Variants in IRAG1 observed in about 807,000 individuals in gnomAD.
IRAG1 encodes the protein inositol 1,4,5-triphosphate receptor associated 1.
A neutral mutation model predicts 106.2 loss-of-function variants in IRAG1; 62 were observed. The ratio of observed to expected loss-of-function variants is 0.58; its 90% CI spans 0.48 to 0.72. IRAG1 has a LOEUF of 0.72. IRAG1 is among the 30% of genes least tolerant of loss of function. The probability of loss-of-function intolerance (pLI) is 0.00; values close to 1 mark genes in which losing one functional copy is unlikely to be tolerated. For missense variants in IRAG1, 1,064 were observed against 1,140.7 expected, an observed-to-expected ratio of 0.93 and a Z score of 0.97; for synonymous variants, 462 against 443.9, an observed-to-expected ratio of 1.04 and a Z score of -0.51.
rs1862236792 is a variant in IRAG1 at position 10,693,702 on chromosome 11, G to T, written c.-100C>A. The T allele has an allele frequency of 2.6e-5, 36 of 1,361,016 alleles. No individual in the cohort carries two copies. The South Asian group carries it at 4.3e-4, about 16-fold the overall frequency. 84.3% of individuals were successfully genotyped at this position (1,361,016 alleles called of 1,614,324 possible). The stretch of plus-strand genomic sequence containing the variant: ...CTCCTCTGAGAGGGGCTGGGACTTA[G>T]AGCCGAGAGCTCCTCTGGGAGCCCC... On this transcript the variant is annotated 5_prime_UTR_variant, in exon 1 of 21. Coordinates refer to ENST00000423302, the MANE Select transcript of IRAG1 (RefSeq NM_130385.4).
intron 3 of IRAG1, 23 bp downstream of exon 3, chr11:10,633,945 A>T: frequency 6.9e-7 from 1 of 1,447,780 alleles, no homozygotes; most frequent in Non-Finnish European, 9.6e-7. Context: ...GTTTGTCACA[A>T]TGCAAGGATC....
At chr11:10,645,466 A>G (rs1857868866) in intron 2 of IRAG1, among the ~76,000 whole-genome samples, 1 of 152,214 alleles carries the variant, frequency 6.6e-6, no homozygotes, top group Non-Finnish European at 1.5e-5. Flanking sequence ...TGCGTTCTGA[A>G]GGTTAAATGC....
At chr11:10,687,787 A>G (rs1861769137) in intron 1 of IRAG1, 1 of 1,289,054 alleles carries the variant, frequency 7.8e-7, no homozygotes, top group Admixed American at 2.3e-5. Flanking sequence ...TCTGGAGGGG[A>G]ACAGACAGGG....
chr11:10,599,450 T>G (rs949235632), intron 15 of IRAG1, among the ~76,000 whole-genome samples: 1 of 152,150 alleles, frequency 6.6e-6, no homozygotes, highest in Non-Finnish European at 1.5e-5. Context: ...CTTCCTCAGC[T>G]TCCAACACTG....
intron 1 of IRAG1, chr11:10,658,488 C>T (rs1482979882): frequency 6.5e-6 from 1 of 153,710 alleles, no homozygotes; most frequent in Non-Finnish European, 1.4e-5. Context: ...CAGCTGAGTT[C>T]TCTAAGCATG....
Position 10,626,119 on chromosome 11 carries a change from C to T in IRAG1, c.1215G>A (p.Arg405=). Residue 405 remains arginine, a synonymous_variant, in exon 9 of 21, where the codon CGG becomes CGA. Coordinates refer to ENST00000423302, the MANE Select transcript of IRAG1 (RefSeq NM_130385.4). ...WDSGPEEPGP[R]LQKVLAKLPL... ...GCAGCTTGGCAAGCACTTTCTGCAG[C>T]CGGGGGCCAGGTTCTTCAGGGCCAC... 2 of 1,544,918 alleles carry T rather than the reference C, an allele frequency of 1.3e-6. No homozygotes were observed. Among genetic ancestry groups the T allele is most frequent in the South Asian group, 2.4e-5 (2 of 81,976 alleles).
chr11:10,652,287 G>A, intron 1 of IRAG1, 105 bp from the exon 2 acceptor site: 1 of 1,542,444 alleles, frequency 6.5e-7, no homozygotes, highest in Non-Finnish European at 8.8e-7. Flanking sequence ...GCTTGAGTTT[G>A]CATCAACACC....
At chr11:10,579,623 C>T (rs1356662654) in intron 20 of IRAG1, among the ~76,000 whole-genome samples, 1 of 152,050 alleles carries the variant, frequency 6.6e-6, no homozygotes, top group Non-Finnish European at 1.5e-5. Flanking sequence ...TAGAGTAACA[C>T]CTCATCTATG....
intron 1 of IRAG1, among the ~76,000 whole-genome samples, chr11:10,678,305 A>G (rs969463510): frequency 7.2e-5 from 11 of 152,324 alleles, no homozygotes; most frequent in African/African-American, 2.4e-4. Context: ...TCACGCTGAG[A>G]GAGCCCAAGG....
intron 12 of IRAG1, among the ~76,000 whole-genome samples, chr11:10,606,239 C>G (rs1456361540): frequency 6.6e-6 from 1 of 152,154 alleles, no homozygotes; most frequent in Non-Finnish European, 1.5e-5. Flanking sequence ...CTCACAACCC[C>G]GCTGGGACAA....
intron 2 of IRAG1, among the ~76,000 whole-genome samples, chr11:10,646,231 C>T (rs1448866720): frequency 6.6e-6 from 1 of 152,204 alleles, no homozygotes; most frequent in East Asian, 1.9e-4. Context: ...TCCTACAACC[C>T]TTGTCCACTG....
intron 1 of IRAG1, 172 bp from the exon 2 acceptor site, chr11:10,652,354 G>A (rs1313555779): frequency 7.0e-7 from 1 of 1,435,598 alleles, no homozygotes; most frequent in African/African-American, 1.4e-5. Context: ...CCGGCTCTCT[G>A]GCTTTGTTTA....
Position 10,587,106 on chromosome 11 carries a change from A to AAT in IRAG1, c.2240+4440_2240+4441dup, listed in dbSNP as rs1228106416. Among the ~76,000 whole-genome samples, 5 of 152,302 alleles carry AAT rather than the reference A, an allele frequency of 3.3e-5. No individual in the cohort carries two copies. In the South Asian group the frequency reaches 1.0e-3, roughly 32 times the overall value. On this transcript the variant is annotated intron_variant, in intron 18 of 20. Transcript: ENST00000423302. ...ATCTTGGCATCTGTCCCCTGCCTGA[A>AAT]ATCCTATGTGCTTTCTTTCTGGGAT...
chr11:10,676,126 G>A (rs555323776), intron 1 of IRAG1, among the ~76,000 whole-genome samples: 25 of 152,354 alleles, frequency 1.6e-4, no homozygotes, highest in African/African-American at 5.8e-4. Context: ...TCTTAGCTGT[G>A]ATGCTCGTAC....
chr11:10,605,572 G>GGT (rs1482052644), intron 12 of IRAG1, among the ~76,000 whole-genome samples: 1 of 152,216 alleles, frequency 6.6e-6, no homozygotes, highest in Admixed American at 6.5e-5. Context: ...AGACCAGAAC[G>GGT]GTCATTAACT....
At chr11:10,631,105 G>T (rs1413808976) in intron 4 of IRAG1, among the ~76,000 whole-genome samples, 4 of 152,192 alleles carry the variant, frequency 2.6e-5, no homozygotes, top group Non-Finnish European at 5.9e-5. Context: ...AAGAAAAAAG[G>T]TTCAAGAGAT....
chr11:10,606,199 C>A (rs923664624), intron 12 of IRAG1, among the ~76,000 whole-genome samples: 2 of 152,166 alleles, frequency 1.3e-5, no homozygotes, highest in African/African-American at 4.8e-5. Context: ...TTGTCCGCTA[C>A]AGAATGAAAT....
chr11:10,627,624 C>G, intron 8 of IRAG1, 92 bp downstream of exon 8: 2 of 1,403,292 alleles, frequency 1.4e-6, no homozygotes, highest in Non-Finnish European at 2.0e-6. Context: ...CATGCACACA[C>G]ACTTGAAGGC....
intron 10 of IRAG1, among the ~76,000 whole-genome samples, chr11:10,614,645 A>G (rs1186972779): frequency 5.9e-5 from 9 of 152,222 alleles, no homozygotes; most frequent in African/African-American, 1.7e-4. Flanking sequence ...CCACACATCT[A>G]CAACCATCTG....
Sources: allele counts gnomAD v4.1 joint callset (sites outside exome capture counted in the v4.1 genomes callset), GRCh38; gene constraint gnomAD v4.1.1; transcripts MANE v1.5; gene names NCBI Gene and HGNC (gene_info 2026-07-23, HGNC 2026-07-21).